VWF: variants seen among roughly 807,000 people sequenced by gnomAD.
The protein encoded by VWF is Factor VIII related antigen.
A neutral mutation model predicts 308.6 loss-of-function variants in VWF; 176 were observed. That is an observed-to-expected ratio of 0.57 (90% confidence interval 0.50 to 0.65). The LOEUF (loss-of-function observed/expected upper bound fraction) is 0.65. Among genes scored for constraint, VWF ranks in the 30% least tolerant of loss-of-function variants. VWF has a pLI of 0.00. For missense variants in VWF, 3,146 were observed against 3,648.2 expected, an observed-to-expected ratio of 0.86 and a Z score of 3.55; for synonymous variants, 1,385 against 1,443.4, an observed-to-expected ratio of 0.96 and a Z score of 0.92.
At chr12:5,982,069 AG>A in intron 41 of VWF, 78 bp from the exon 42 acceptor site, 1 of 1,396,248 alleles carries the variant, frequency 7.2e-7, no homozygotes, top group South Asian at 1.2e-5. Context: ...ATAGGGTGCC[AG>A]GGAGCTTTAG....
intron 34 of VWF, among the ~76,000 whole-genome samples, chr12:6,006,130 A>G (rs1343634630): frequency 6.6e-6 from 1 of 152,210 alleles, no homozygotes; most frequent in East Asian, 1.9e-4. Flanking sequence ...AGAGGCAGTA[A>G]AAGAGTAGAG....
intron 6 of VWF, among the ~76,000 whole-genome samples, chr12:6,077,449 C>T (rs1944857330): frequency 6.6e-6 from 1 of 152,220 alleles, no homozygotes; most frequent in Non-Finnish European, 1.5e-5. Flanking sequence ...ACAGCAGCCC[C>T]TCCACGGCCC....
At chr12:6,034,333 T>G (rs1944308547) in intron 20 of VWF, among the ~76,000 whole-genome samples, 1 of 152,160 alleles carries the variant, frequency 6.6e-6, no homozygotes, top group Non-Finnish European at 1.5e-5. Context: ...CTCCCTAAGC[T>G]ATGCACCCTG....
intron 31 of VWF, among the ~76,000 whole-genome samples, chr12:6,015,403 C>G (rs1041640555): frequency 6.6e-6 from 1 of 151,966 alleles, no homozygotes; most frequent in Non-Finnish European, 1.5e-5. Flanking sequence ...AGAGAAAAGA[C>G]AGGGTTCTGA....
chr12:6,121,051 C>A (rs892095663), intron 3 of VWF, 123 bp downstream of exon 3: 7 of 1,370,540 alleles, frequency 5.1e-6, no homozygotes, highest in Non-Finnish European at 7.1e-6. Flanking sequence ...TGTTCCTCTC[C>A]TTGTTCTCAG....
At chr12:6,027,233 C>A (rs1017424304) in intron 22 of VWF, among the ~76,000 whole-genome samples, 1 of 152,106 alleles carries the variant, frequency 6.6e-6, no homozygotes, top group Non-Finnish European at 1.5e-5. Flanking sequence ...CCACACTGAC[C>A]TCCTTGTACA....
intron 18 of VWF, among the ~76,000 whole-genome samples, chr12:6,039,388 C>T (rs1241370071): frequency 6.6e-6 from 1 of 152,242 alleles, no homozygotes; most frequent in Non-Finnish European, 1.5e-5. Flanking sequence ...ACTCTCCATA[C>T]ATGAACACCA....
intron 2 of VWF, among the ~76,000 whole-genome samples, chr12:6,122,049 A>G (rs1217490473): frequency 6.6e-6 from 1 of 152,248 alleles, no homozygotes; most frequent in Non-Finnish European, 1.5e-5. Context: ...ATTTTGTTGT[A>G]TAGCATATAT....
chr12:5,963,252 G>GA (rs1943339524), intron 47 of VWF, among the ~76,000 whole-genome samples: 1 of 152,122 alleles, frequency 6.6e-6, no homozygotes, highest in South Asian at 2.1e-4. Context: ...CCAAAATACA[G>GA]AAAAAAACTC....
chr12:6,092,614 T>TGAGTGAGTGAGAGAGAGA (rs71064187), intron 6 of VWF, among the ~76,000 whole-genome samples: 3 of 86,090 alleles, frequency 3.5e-5, no homozygotes, highest in African/African-American at 1.7e-4. Context: ...AGTGAGTGAG[T>TGAGTGAGTGAGAGAGAGA]GAGAGTGTGT....
rs921041467 is a variant in VWF at position 6,029,589 on chromosome 12, C to T, written c.2821-101G>A. The T allele has an allele frequency of 1.7e-5, 25 of 1,492,120 alleles. No homozygotes were observed. The African/African-American group carries it at 1.8e-4, about 11-fold the overall frequency. 92.4% of individuals were successfully genotyped at this position (1,492,120 alleles called of 1,614,324 possible). ...CCTGCCCATCTGTCTTCAGTGCCCA[C>T]GAGTGCAGGCACTGCCACCCCTCCA... On this transcript the variant is annotated intron_variant, in intron 21 of 51. Transcript: ENST00000261405.
chr12:5,957,684 G>C (rs1234047593), intron 47 of VWF, among the ~76,000 whole-genome samples: 1 of 147,226 alleles, frequency 6.8e-6, no homozygotes, highest in Non-Finnish European at 1.5e-5. Context: ...AGGCAGAATA[G>C]AGACATTTTC....
At chr12:6,012,642 C>T (rs58073482) in intron 32 of VWF, among the ~76,000 whole-genome samples, 3,653 of 149,698 alleles carry the variant, frequency 0.024, 147 homozygotes, top group African/African-American at 0.085. Context: ...CATCTAGTAA[C>T]GGGAAAATAT....
intron 34 of VWF, among the ~76,000 whole-genome samples, chr12:6,006,797 A>G (rs1403947587): frequency 1.3e-5 from 2 of 152,210 alleles, no homozygotes; most frequent in African/African-American, 4.8e-5. Context: ...AAGTAAATAA[A>G]TAAATAAAAT....
intron 40 of VWF, among the ~76,000 whole-genome samples, chr12:5,984,178 G>A (rs1055078765): frequency 6.6e-6 from 1 of 152,192 alleles, no homozygotes; most frequent in Non-Finnish European, 1.5e-5. Flanking sequence ...TCAGTCTGAG[G>A]AGTTCACAAA....
In VWF at chr12:5,952,458, T is replaced by C. The variant is rs144511926; in HGVS notation, c.8048A>G (p.Glu2683Gly). The change falls in exon 49 of 52, where the codon GAG (glutamate) becomes GGG (glycine). Residue 2683 changes from glutamate to glycine, a missense_variant. Physicochemically the swap from Glu to Gly is moderately conservative, Grantham distance 98 (BLOSUM62 -2). This residue lies in a region of VWF where 989 missense variants were observed against 1,117.4 expected (regional missense o/e 0.89). Coordinates refer to ENST00000261405, the MANE Select transcript of VWF (RefSeq NM_000552.5). ...TGTGACCCTCTTCTCCCAGAAGTAC[T>C]CTCCTCTCTCATTGACCTTGCAGAA... is the stretch of plus-strand genomic sequence containing the variant. ...THFCKVNERGEYFWEKRVTGC... is the reference protein window; with the variant it reads ...THFCKVNERGGYFWEKRVTGC... 8.7e-6 allele frequency: 14 copies of C among 1,614,046 alleles called. No homozygotes were observed. The highest frequency in any genetic ancestry group is 1.1e-5 in the Non-Finnish European group (13 of 1,180,012).
At chr12:6,084,897 T>A (rs1167659799) in intron 6 of VWF, among the ~76,000 whole-genome samples, 2 of 152,162 alleles carry the variant, frequency 1.3e-5, no homozygotes, top group Non-Finnish European at 2.9e-5. Flanking sequence ...GCTGATTCTA[T>A]TTATAACTTC....
At chr12:6,015,584 T>C (rs1944046812) in intron 31 of VWF, among the ~76,000 whole-genome samples, 1 of 151,996 alleles carries the variant, frequency 6.6e-6, no homozygotes, top group Non-Finnish European at 1.5e-5. Flanking sequence ...AAGCACATGT[T>C]CTTATGGAGC....
chr12:6,034,262 T>A (rs1944307591), intron 20 of VWF, among the ~76,000 whole-genome samples: 1 of 152,230 alleles, frequency 6.6e-6, no homozygotes, highest in Admixed American at 6.5e-5. Context: ...ACCTGCAGAC[T>A]GTGCACTGCC....
Sources: allele counts gnomAD v4.1 joint callset (sites outside exome capture counted in the v4.1 genomes callset), GRCh38; gene constraint gnomAD v4.1.1; regional missense constraint gnomAD v4.1.1; transcripts MANE v1.5; gene names NCBI Gene and HGNC (gene_info 2026-07-23, HGNC 2026-07-21).